TMIGD3: variants seen among roughly 807,000 people sequenced by gnomAD.
TMIGD3 encodes AD026 protein (AD026).
Under a neutral mutation model 28.1 loss-of-function variants are expected in TMIGD3, and 21 were observed. The ratio of observed to expected loss-of-function variants is 0.75; its 90% CI spans 0.53 to 1.08. The LOEUF is 1.08. Ranked by LOEUF, TMIGD3 falls within the 50% of genes least tolerant of loss-of-function variation. TMIGD3 has a pLI of 0.00. For synonymous variants in TMIGD3, 151 were observed against 162.1 expected (o/e 0.93, Z 0.52); for missense variants, 416 against 435.6 (o/e 0.96, Z 0.40).
chr1:111,499,446 T>TTTA, intron 1 of TMIGD3: 1 of 991,968 alleles, frequency 1.0e-6, no homozygotes, highest in Non-Finnish European at 1.2e-6. Flanking sequence ...TTAGCTTTTA[T>TTTA]TTACTCAAAA....
rs374306472 is a variant in TMIGD3, at chr1:111,522,821, T to G, written c.108-32059A>C. 7.9e-5 allele frequency among the ~76,000 whole-genome samples: 12 copies of G among 152,200 alleles called. 1 individual carries two copies. Among genetic ancestry groups the G allele is most frequent in the East Asian group, 7.7e-4 (4 of 5,196 alleles). ...GTGAGCCACCACGCCTGGCTGGTATTGATCTTAAATTTCAGTGTCTCATGT... is the reference window on the plus strand; with the variant it reads ...GTGAGCCACCACGCCTGGCTGGTATGGATCTTAAATTTCAGTGTCTCATGT... On this transcript the variant is annotated intron_variant, in intron 1 of 5. Coordinates refer to the TMIGD3 transcript ENST00000369717.
At chr1:111,560,246 G>T (rs978601078) in intron 1 of TMIGD3, among the ~76,000 whole-genome samples, 5 of 152,092 alleles carry the variant, frequency 3.3e-5, no homozygotes, top group African/African-American at 1.2e-4. Flanking sequence ...CTTTAGAGCT[G>T]AACTAACAAA....
At chr1:111,535,336 C>A (rs10489795) in intron 1 of TMIGD3, among the ~76,000 whole-genome samples, 40,880 of 152,134 alleles carry the variant, frequency 0.27, 6,166 homozygotes, top group Admixed American at 0.43. Context: ...ACGCTTAGTG[C>A]AATATACATA....
chr1:111,494,962 G>T (rs1654825725), intron 1 of TMIGD3, among the ~76,000 whole-genome samples: 1 of 152,130 alleles, frequency 6.6e-6, no homozygotes, highest in African/African-American at 2.4e-5. Flanking sequence ...ATTGAAACTG[G>T]ACCCCTTCCT....
intron 1 of TMIGD3, among the ~76,000 whole-genome samples, chr1:111,552,271 T>C (rs141280982): frequency 2.1e-4 from 32 of 152,324 alleles, no homozygotes; most frequent in South Asian, 1.2e-3. Flanking sequence ...CTGGTACTGG[T>C]GCTAGAATGC....
chr1:111,490,079 A>G (rs962667146), intron 2 of TMIGD3, among the ~76,000 whole-genome samples: 1 of 152,176 alleles, frequency 6.6e-6, no homozygotes, highest in African/African-American at 2.4e-5. Context: ...ATGAATGCTG[A>G]CCCAGAGAAA....
intron 5 of TMIGD3, among the ~76,000 whole-genome samples, chr1:111,484,911 T>C (rs1654288236): frequency 6.6e-6 from 1 of 152,226 alleles, no homozygotes; most frequent in African/African-American, 2.4e-5. Context: ...CTGTGCAATG[T>C]TCTTTCTGCT....
chr1:111,506,413 C>T (rs928064810), upstream of TMIGD3, among the ~76,000 whole-genome samples: 4 of 152,212 alleles, frequency 2.6e-5, no homozygotes, highest in Non-Finnish European at 5.9e-5. Flanking sequence ...TATTCACAGA[C>T]TCATTCAATG....
intron 1 of TMIGD3, among the ~76,000 whole-genome samples, chr1:111,539,485 A>G (rs1656746118): frequency 6.6e-6 from 1 of 152,094 alleles, no homozygotes; most frequent in Non-Finnish European, 1.5e-5. Flanking sequence ...TTTAGTAGAG[A>G]TGGGATTTCA....
At chr1:111,562,018 A>G (rs1467002176) in intron 1 of TMIGD3, among the ~76,000 whole-genome samples, 1 of 152,104 alleles carries the variant, frequency 6.6e-6, no homozygotes, top group East Asian at 1.9e-4. Context: ...CACACTCTGA[A>G]CCCAAATTAA....
intron 1 of TMIGD3, among the ~76,000 whole-genome samples, chr1:111,543,692 GGAGAGGGAGGGAGAA>G (rs1656932118): frequency 6.6e-6 from 1 of 151,862 alleles, no homozygotes; most frequent in African/African-American, 2.4e-5. Flanking sequence ...AGGAGGAGGG[GGAGAGGGAGGGAGAA>G]GAGAGGGAGG....
At chr1:111,512,652 T>C (rs915184592) in intron 1 of TMIGD3, among the ~76,000 whole-genome samples, 3 of 152,228 alleles carry the variant, frequency 2.0e-5, no homozygotes, top group Admixed American at 6.5e-5. Flanking sequence ...TGGGGGTTGA[T>C]GTTTCACTAT....
chr1:111,540,583 C>T (rs1656788437), intron 1 of TMIGD3, among the ~76,000 whole-genome samples: 1 of 152,208 alleles, frequency 6.6e-6, no homozygotes, highest in African/African-American at 2.4e-5. Flanking sequence ...TGTTCCTCCT[C>T]CTTTTCTCCA....
intron 1 of TMIGD3, among the ~76,000 whole-genome samples, chr1:111,525,926 A>T (rs541196056): frequency 2.2e-4 from 34 of 152,224 alleles, no homozygotes; most frequent in South Asian, 1.2e-3. Flanking sequence ...TTGATTTTTA[A>T]TTTTTTTATC....
intron 1 of TMIGD3, among the ~76,000 whole-genome samples, chr1:111,558,449 A>G (rs1657596424): frequency 6.6e-6 from 1 of 152,086 alleles, no homozygotes; most frequent in Admixed American, 6.5e-5. Context: ...AGCCTCCCAA[A>G]GTGCTGGGAC....
chr1:111,511,589 A>G (rs1360463434), intron 1 of TMIGD3, among the ~76,000 whole-genome samples: 2 of 152,152 alleles, frequency 1.3e-5, no homozygotes, highest in Non-Finnish European at 2.9e-5. Context: ...TCTAATATTT[A>G]CATTACAGTT....
intron 1 of TMIGD3, among the ~76,000 whole-genome samples, chr1:111,530,349 AAG>A (rs909954771): frequency 2.6e-5 from 4 of 152,140 alleles, no homozygotes; most frequent in African/African-American, 4.8e-5. Flanking sequence ...ATTATTTTTA[AAG>A]AGATTTTTTT....
rs768692895 is a variant in TMIGD3 at position 111,488,722 on chromosome 1, T to C, written c.760A>G (p.Thr254Ala). 14 of 1,614,186 alleles carry C rather than the reference T, an allele frequency of 8.7e-6. No homozygotes were observed. The highest frequency in any genetic ancestry group is 1.7e-5 in the Admixed American group (1 of 60,022). The change falls in exon 3 of 6, where the codon ACT becomes GCT. Residue 254 changes from threonine to alanine, a missense_variant. Physicochemically the swap from Thr to Ala is moderately conservative, Grantham distance 58. Transcript: ENST00000369716. ...DDMDFTELIV[T>A]DDKGTLANDF... ...TTGGCCAGGGTTCCTTTGTCGTCAG[T>C]TACAATCAGCTCTGTAAAATCCATG...
intron 1 of TMIGD3, among the ~76,000 whole-genome samples, chr1:111,495,821 A>T (rs368739611): frequency 4.2e-4 from 64 of 152,356 alleles, no homozygotes; most frequent in African/African-American, 1.5e-3. Flanking sequence ...CTACTATGTG[A>T]CCATGAAAAA....
Sources: allele counts gnomAD v4.1 joint callset (sites outside exome capture counted in the v4.1 genomes callset), GRCh38; gene constraint gnomAD v4.1.1; transcripts MANE v1.5; gene names NCBI Gene and HGNC (gene_info 2026-07-23, HGNC 2026-07-21).